The following AGBL3 variants were observed in gnomAD, a reference collection of about 807,000 sequenced individuals.
AGBL3 encodes the protein cytosolic carboxypeptidase 3.
AGBL3 carries 68 observed loss-of-function variants against 94.5 expected under a neutral mutation model. The ratio of observed to expected loss-of-function variants is 0.72; its 90% CI spans 0.59 to 0.88. AGBL3 has a LOEUF of 0.88. Ranked by LOEUF, AGBL3 falls within the 40% of genes least tolerant of loss-of-function variation. AGBL3 has a pLI of 0.00. For missense variants in AGBL3, 934 were observed against 1,103.8 expected, an observed-to-expected ratio of 0.85 and a Z score of 2.18; for synonymous variants, 354 against 370.7, an observed-to-expected ratio of 0.95 and a Z score of 0.52.
intron 15 of AGBL3, chr7:135,094,662 TG>T: frequency 2.7e-6 from 1 of 374,398 alleles, no homozygotes; most frequent in Non-Finnish European, 5.2e-6. Context: ...TCTCTTAGGG[TG>T]TTAACTCTAA....
chr7:135,032,368 G>A (rs778135031), intron 5 of AGBL3, among the ~76,000 whole-genome samples: 4 of 151,702 alleles, frequency 2.6e-5, no homozygotes, highest in Non-Finnish European at 4.4e-5. Context: ...GTAGTGACGC[G>A]ATCTCCGCTC....
chr7:135,045,463 T>C lies in AGBL3; in HGVS notation c.1628-11T>C. ...TACCCTCAAGGGTGGATAAACTTAT[T>C]GATGTTTTAGGTAACAAACGAGGCA... is the stretch of plus-strand genomic sequence containing the variant. On this transcript the variant is annotated splice_polypyrimidine_tract_variant and intron_variant, in intron 9 of 16. Transcript: ENST00000436302. The C allele has an allele frequency of 6.5e-7, 1 of 1,547,888 alleles. No individual in the cohort carries two copies. The highest frequency in any genetic ancestry group is 8.7e-7 in the Non-Finnish European group (1 of 1,143,628).
rs1562914180 is a variant in AGBL3, at chr7:135,135,273, A to T, written c.*12A>T. 1 of 1,491,202 alleles carries T rather than the reference A, an allele frequency of 6.7e-7. No homozygotes were observed. The highest frequency in any genetic ancestry group is 8.9e-7 in the Non-Finnish European group (1 of 1,119,582). The allele number at this position is 1,491,202 out of a possible 1,614,324, so 92.4% of individuals were successfully genotyped here. On this transcript the variant is annotated 3_prime_UTR_variant, in exon 17 of 17. Coordinates refer to ENST00000436302, the MANE Select transcript of AGBL3 (RefSeq NM_178563.4). ...AAAGGGAGAGTTAATCTAGCTTTAT[A>T]CTGCTCTGAGAACTGTGAATGAAGG...
Position 135,135,024 on chromosome 7 carries a change from T to A in AGBL3, c.2526T>A (p.Ser842=). 1 of 1,551,174 alleles carries A rather than the reference T, an allele frequency of 6.4e-7. No homozygotes were observed. Among genetic ancestry groups the A allele is most frequent in the South Asian group, 1.2e-5 (1 of 84,048 alleles). ...AAGGCCCCAAGAAGAATAAACATTC[T>A]CAAATCTGGGCCATAAAGAATGAAG... ...PLKGPKKNKH[S]QIWAIKNEDI... is the part of the protein sequence containing the mutation. Residue 842 remains serine (S), a synonymous_variant, in exon 17 of 17, where the codon TCT becomes TCA. Coordinates refer to ENST00000436302, the MANE Select transcript of AGBL3 (RefSeq NM_178563.4).
chr7:135,092,486 A>C (rs1821999994), intron 15 of AGBL3: 1 of 152,170 alleles, frequency 6.6e-6, no homozygotes, highest in African/African-American at 2.4e-5. Flanking sequence ...TCTTTTAAAA[A>C]TCTGATGTTT....
chr7:135,113,989 T>C (rs1428029189), intron 15 of AGBL3, among the ~76,000 whole-genome samples: 1 of 152,246 alleles, frequency 6.6e-6, no homozygotes, highest in Non-Finnish European at 1.5e-5. Context: ...TTATTTTGTA[T>C]AATGGTCTCA....
chr7:135,025,919 G>GT (rs1815042017), intron 5 of AGBL3, among the ~76,000 whole-genome samples: 1 of 3,416 alleles, frequency 2.9e-4, no homozygotes, highest in Non-Finnish European at 2.0e-3. Context: ...ATGGCGCATC[G>GT]TTTCATAAAA....
chr7:135,013,920 C>G (rs988498219), intron 4 of AGBL3, among the ~76,000 whole-genome samples: 5 of 152,036 alleles, frequency 3.3e-5, no homozygotes, highest in African/African-American at 1.2e-4. Flanking sequence ...GTTGGCCGGG[C>G]GCAGTGGCTC....
At chr7:135,044,289 G>A in intron 9 of AGBL3, 138 bp downstream of exon 9, 1 of 874,820 alleles carries the variant, frequency 1.1e-6, no homozygotes, top group Admixed American at 4.2e-5. Flanking sequence ...TCTATAAACA[G>A]GATGAATAAA....
At chr7:135,029,739 G>A (rs570047156) in intron 5 of AGBL3, among the ~76,000 whole-genome samples, 11 of 152,244 alleles carry the variant, frequency 7.2e-5, no homozygotes, top group African/African-American at 2.4e-4. Flanking sequence ...CTTAGCTTTT[G>A]ACATGCCTTC....
intron 5 of AGBL3, 79 bp downstream of exon 5, chr7:135,017,238 G>A (rs1197063202): frequency 3.8e-6 from 4 of 1,064,526 alleles, no homozygotes; most frequent in Non-Finnish European, 4.2e-6. Flanking sequence ...TTGTTTTGCT[G>A]TTTGTAGTGG....
rs539492428 is a variant in AGBL3 at position 134,988,973 on chromosome 7, T to C, written c.64-277T>C. Among the ~76,000 whole-genome samples, 92 of 149,624 alleles carry C rather than the reference T, an allele frequency of 6.1e-4. 1 individual carries two copies. Among genetic ancestry groups the C allele is most frequent in the African/African-American group, 2.3e-3 (90 of 38,926 alleles). ...TTAATTTAAATAGTTTTCCCGGGTT[T>C]ATCAAGAATCTTTAAACTTTATTCC... On this transcript the variant is annotated intron_variant, in intron 2 of 16. Transcript: ENST00000436302.
intron 11 of AGBL3, among the ~76,000 whole-genome samples, chr7:135,051,795 C>T (rs1331568870): frequency 6.6e-6 from 1 of 151,942 alleles, no homozygotes; most frequent in Non-Finnish European, 1.5e-5. Context: ...CTGCTTCTTC[C>T]TTTTCCTATC....
chr7:135,001,536 A>G (rs572872323), intron 4 of AGBL3, among the ~76,000 whole-genome samples: 4 of 152,172 alleles, frequency 2.6e-5, no homozygotes, highest in Non-Finnish European at 4.4e-5. Context: ...AAGCTCTTCA[A>G]AGTCGGGGTA....
At chr7:135,009,545 T>A (rs1304279808) in intron 4 of AGBL3, among the ~76,000 whole-genome samples, 2 of 152,196 alleles carry the variant, frequency 1.3e-5, no homozygotes, top group African/African-American at 4.8e-5. Flanking sequence ...GGTTTTCTAC[T>A]AATGTCTTAT....
intron 16 of AGBL3, among the ~76,000 whole-genome samples, chr7:135,122,516 A>AC (rs916679175): frequency 4.6e-5 from 7 of 151,332 alleles, no homozygotes; most frequent in East Asian, 1.9e-4. Flanking sequence ...AGCGAAGCAC[A>AC]CCCCCCCAAC....
intron 4 of AGBL3, among the ~76,000 whole-genome samples, chr7:135,007,896 T>C (rs954560751): frequency 6.6e-6 from 1 of 152,048 alleles, no homozygotes; most frequent in Admixed American, 6.6e-5. Flanking sequence ...TTATGAAAAC[T>C]ATTCAATTTG....
chr7:135,057,419 GA>G (rs774365414), intron 11 of AGBL3, among the ~76,000 whole-genome samples: 1 of 23,216 alleles, frequency 4.3e-5, no homozygotes, highest in Non-Finnish European at 3.0e-4. Context: ...GTTGAAAACT[GA>G]AAAAAAATAA....
At chr7:135,005,158 AAAGT>A (rs1410199265) in intron 4 of AGBL3, among the ~76,000 whole-genome samples, 2 of 151,692 alleles carry the variant, frequency 1.3e-5, no homozygotes, top group Non-Finnish European at 3.0e-5. Context: ...TATTCATTTA[AAAGT>A]AAGTTGCAGA....
Sources: allele counts gnomAD v4.1 joint callset (sites outside exome capture counted in the v4.1 genomes callset), GRCh38; gene constraint gnomAD v4.1.1; transcripts MANE v1.5; gene names NCBI Gene and HGNC (gene_info 2026-07-23, HGNC 2026-07-21).